MTUS2: variants seen among roughly 807,000 people sequenced by gnomAD.
The protein encoded by MTUS2 is microtubule-associated tumor suppressor candidate 2.
MTUS2 carries 40 observed loss-of-function variants against 114.1 expected under a neutral mutation model. That is an observed-to-expected ratio of 0.35 (90% CI 0.27 to 0.46). MTUS2 has a LOEUF of 0.46. MTUS2 is among the 20% of genes least tolerant of loss of function. The pLI is 1.00. For missense variants in MTUS2, 1,679 were observed against 1,705.4 expected, an observed-to-expected ratio of 0.98 and a Z score of 0.27; for synonymous variants, 688 against 672.0, an observed-to-expected ratio of 1.02 and a Z score of -0.37.
chr13:29,134,577 A>G (rs753692495), intron 5 of MTUS2, among the ~76,000 whole-genome samples: 4 of 152,078 alleles, frequency 2.6e-5, no homozygotes, highest in East Asian at 1.9e-4. Context: ...ATTGTTATAT[A>G]TATCTTCCTT....
chr13:29,480,505 T>C lies in MTUS2; in HGVS notation c.3399+141T>C. The C allele has an allele frequency of 1.1e-6, 1 of 923,588 alleles. No individual in the cohort carries two copies. Among genetic ancestry groups the C allele is most frequent in the Admixed American group, 3.0e-5 (1 of 33,878 alleles). The allele number at this position is 923,588 out of a possible 1,614,324, so 57.2% of individuals were successfully genotyped here. ...TCACTTTCTGAGTTGCTTTCTCCTT[T>C]CTCCCCGCTCCTCTCTTCTCCTCCA... On this transcript the variant is annotated intron_variant, in intron 10 of 15. Coordinates refer to ENST00000612955, the MANE Select transcript of MTUS2 (RefSeq NM_001033602.4). The surrounding 1 kb of genome is among the most constrained non-coding windows in gnomAD (Gnocchi z 4.4).
intron 8 of MTUS2, among the ~76,000 whole-genome samples, chr13:29,433,234 C>T (rs1343658236): frequency 6.6e-6 from 1 of 152,212 alleles, no homozygotes; most frequent in Non-Finnish European, 1.5e-5. Context: ...CTCTTCCCCA[C>T]ATGCACAAAG....
At chr13:29,046,726 C>T (rs1029306689) in intron 4 of MTUS2, among the ~76,000 whole-genome samples, 3 of 95,132 alleles carry the variant, frequency 3.2e-5, no homozygotes, top group African/African-American at 1.2e-4. Context: ...ACCCCTCCCC[C>T]ACCTCCTTTT....
intron 4 of MTUS2, among the ~76,000 whole-genome samples, chr13:29,045,630 A>T (rs1010169208): frequency 6.6e-6 from 1 of 152,220 alleles, no homozygotes; most frequent in African/African-American, 2.4e-5. Flanking sequence ...GAAATGCTAC[A>T]TAACCATGGT....
At chr13:29,319,946 AAG>A (rs1900183423) in intron 6 of MTUS2, among the ~76,000 whole-genome samples, 1 of 152,170 alleles carries the variant, frequency 6.6e-6, no homozygotes, top group Non-Finnish European at 1.5e-5. Context: ...GGTGAGTAAA[AAG>A]AGTTTCGTCA....
At chr13:28,850,005 G>A (rs1015234877) in intron 2 of MTUS2, among the ~76,000 whole-genome samples, 7 of 152,032 alleles carry the variant, frequency 4.6e-5, no homozygotes, top group Admixed American at 3.3e-4. Flanking sequence ...CAGGTGCTTC[G>A]AAACGATGAA....
intron 6 of MTUS2, among the ~76,000 whole-genome samples, chr13:29,286,672 G>GTCTGTCTATCTATCTGTCTATCTATCTA (rs577593135): frequency 9.0e-6 from 1 of 110,922 alleles, no homozygotes; most frequent in East Asian, 5.5e-4. Flanking sequence ...CTGTCTGTCT[G>GTCTGTCTATCTATCTGTCTATCTATCTA]TCTATCTATC....
intron 8 of MTUS2, among the ~76,000 whole-genome samples, chr13:29,402,245 C>T (rs1314717357): frequency 6.6e-6 from 1 of 152,088 alleles, no homozygotes; most frequent in East Asian, 1.9e-4. Context: ...CCACTCTAGG[C>T]TCTACAAATT....
intron 5 of MTUS2, among the ~76,000 whole-genome samples, chr13:29,212,001 G>T (rs551886598): frequency 8.8e-4 from 134 of 152,054 alleles, no homozygotes; most frequent in Middle Eastern, 3.4e-3. Context: ...CTATTCTTTT[G>T]ACTCTTCTTC....
intron 12 of MTUS2, among the ~76,000 whole-genome samples, chr13:29,495,914 A>ATGTGTG (rs59958046): frequency 1.8e-3 from 266 of 148,412 alleles, no homozygotes; most frequent in African/African-American, 6.2e-3. Context: ...CTCTCTTTAT[A>ATGTGTG]TGTGTGTGTG....
intron 5 of MTUS2, among the ~76,000 whole-genome samples, chr13:29,178,315 C>T (rs11840899): frequency 0.084 from 12,796 of 152,064 alleles, 699 homozygotes; most frequent in African/African-American, 0.14. Context: ...CTTTCCCAAA[C>T]GACCCATTGC....
intron 2 of MTUS2, among the ~76,000 whole-genome samples, chr13:28,918,001 G>C (rs1426597739): frequency 6.6e-6 from 1 of 151,636 alleles, no homozygotes; most frequent in Non-Finnish European, 1.5e-5. Flanking sequence ...TGTATAATTT[G>C]CATGTATTTT....
At chr13:29,488,129 C>T in intron 11 of MTUS2, 124 bp downstream of exon 11, 2 of 725,378 alleles carry the variant, frequency 2.8e-6, no homozygotes, top group Non-Finnish European at 4.6e-6. Flanking sequence ...CCTCCTGGTG[C>T]ATTTTTTCCT....
At chr13:29,105,253 A>G (rs1001359145) in intron 5 of MTUS2, among the ~76,000 whole-genome samples, 1 of 152,222 alleles carries the variant, frequency 6.6e-6, no homozygotes, top group African/African-American at 2.4e-5. Flanking sequence ...GTAATTAGGT[A>G]TAGACTTGAT....
chr13:28,869,883 A>G (rs955525372), intron 2 of MTUS2, among the ~76,000 whole-genome samples: 4 of 152,200 alleles, frequency 2.6e-5, no homozygotes, highest in Admixed American at 6.5e-5. Flanking sequence ...TTACTGTCAG[A>G]TATTTAAATT....
chr13:29,079,968 C>T (rs188806971), intron 4 of MTUS2, among the ~76,000 whole-genome samples: 6 of 152,232 alleles, frequency 3.9e-5, no homozygotes, highest in East Asian at 1.9e-4. Context: ...TGCATTGAAT[C>T]GGTAGATCAA....
At position 28,948,175 on chromosome 13, in the gene MTUS2, G is replaced by A. The variant is rs377754874; in HGVS notation, c.-242-76282G>A. Among the ~76,000 whole-genome samples the A allele has an allele frequency of 3.3e-5, 5 of 152,224 alleles. 1 individual carries two copies. Among genetic ancestry groups the A allele is most frequent in the African/African-American group, 1.2e-4 (5 of 41,530 alleles). On this transcript the variant is annotated intron_variant, in intron 2 of 15. Transcript: ENST00000612955. ...GACTTCCAAAATCTAAACTCATTTAGGGTAGGAACTTTGTGCCTAAGTGTT... is the reference window on the plus strand; with the variant it reads ...GACTTCCAAAATCTAAACTCATTTAAGGTAGGAACTTTGTGCCTAAGTGTT...
chr13:29,254,044 T>C (rs551834679), intron 5 of MTUS2, among the ~76,000 whole-genome samples: 1 of 152,034 alleles, frequency 6.6e-6, no homozygotes, highest in South Asian at 2.1e-4. Context: ...AGTAAATAAG[T>C]AAACATAATA....
intron 2 of MTUS2, among the ~76,000 whole-genome samples, chr13:28,923,782 T>G (rs1194239207): frequency 6.6e-6 from 1 of 152,162 alleles, no homozygotes; most frequent in Non-Finnish European, 1.5e-5. Flanking sequence ...TCACCTTGCC[T>G]GTGGGGTCCT....
Sources: allele counts gnomAD v4.1 joint callset (sites outside exome capture counted in the v4.1 genomes callset), GRCh38; gene constraint gnomAD v4.1.1; non-coding constraint Gnocchi (gnomAD v3.1); transcripts MANE v1.5; gene names NCBI Gene and HGNC (gene_info 2026-07-23, HGNC 2026-07-21).